Variants in GALNT7 observed in about 807,000 individuals in gnomAD.
GALNT7 encodes the protein polypeptide N-acetylgalactosaminyltransferase 7.
GALNT7 carries 60 observed loss-of-function variants against 82.1 expected under a neutral mutation model. The ratio of observed to expected loss-of-function variants is 0.73; its 90% CI spans 0.59 to 0.91. The LOEUF is 0.91. Among genes scored for constraint, GALNT7 ranks in the 40% least tolerant of loss-of-function variants. GALNT7 has a pLI of 0.00. For synonymous variants in GALNT7, 243 were observed against 275.1 expected, an observed-to-expected ratio of 0.88 and a Z score of 1.15; for missense variants, 660 against 804.2, an observed-to-expected ratio of 0.82 and a Z score of 2.17.
At chr4:173,211,904 T>G (rs2126672476) in intron 1 of GALNT7, among the ~76,000 whole-genome samples, 1 of 152,354 alleles carries the variant, frequency 6.6e-6, no homozygotes, top group South Asian at 2.1e-4. Flanking sequence ...TTCTTCAGCC[T>G]GTCAGTTTTC....
At chr4:173,179,894 T>TA (rs1732189478) in intron 1 of GALNT7, among the ~76,000 whole-genome samples, 1 of 152,222 alleles carries the variant, frequency 6.6e-6, no homozygotes, top group Admixed American at 6.5e-5. Context: ...TGTCAGTACT[T>TA]ACTGCTGTAC....
intron 2 of GALNT7, among the ~76,000 whole-genome samples, chr4:173,271,656 C>T (rs566017090): frequency 1.7e-4 from 26 of 152,092 alleles, no homozygotes; most frequent in South Asian, 1.5e-3. Context: ...GGGGTTTCAC[C>T]ACATTGGCCA....
chr4:173,230,317 T>A (rs972524836), intron 1 of GALNT7, among the ~76,000 whole-genome samples: 1 of 152,116 alleles, frequency 6.6e-6, no homozygotes, highest in African/African-American at 2.4e-5. Flanking sequence ...AGTTAATGGG[T>A]AGAGTTGCTT....
chr4:173,205,044 A>G (rs887575087), intron 1 of GALNT7, among the ~76,000 whole-genome samples: 1 of 152,152 alleles, frequency 6.6e-6, no homozygotes, highest in African/African-American at 2.4e-5. Flanking sequence ...TTACTACTGG[A>G]GCCCTTGGAC....
At chr4:173,196,670 A>G (rs1732789156) in intron 1 of GALNT7, among the ~76,000 whole-genome samples, 1 of 152,096 alleles carries the variant, frequency 6.6e-6, no homozygotes, top group Non-Finnish European at 1.5e-5. Context: ...CCCAGCATTC[A>G]TTAGCTATTC....
chr4:173,258,910 C>T (rs1457701573), intron 2 of GALNT7, among the ~76,000 whole-genome samples: 3 of 152,182 alleles, frequency 2.0e-5, no homozygotes, highest in Non-Finnish European at 2.9e-5. Flanking sequence ...TTTTTTCTTG[C>T]CTCCTAAGAC....
intron 1 of GALNT7, among the ~76,000 whole-genome samples, chr4:173,233,457 G>A (rs1178039290): frequency 2.0e-5 from 3 of 152,176 alleles, no homozygotes; most frequent in African/African-American, 7.2e-5. Context: ...CTTCATTGCG[G>A]TTTTGATTTG....
chr4:173,178,065 G>GCA (rs1561142235), intron 1 of GALNT7, among the ~76,000 whole-genome samples: 10 of 133,516 alleles, frequency 7.5e-5, no homozygotes, highest in Non-Finnish European at 1.1e-4. Flanking sequence ...GCGCACGCGC[G>GCA]TGCGCACAGA....
Position 173,295,863 on chromosome 4 carries a change from T to C in GALNT7, c.965+20T>C. On this transcript the variant is annotated intron_variant, in intron 5 of 11. Transcript: ENST00000265000. Reference sequence around the variant, plus strand: ...GGACAGGTAACATTACCTTGCTTTTTTTCTTTCCTGGTTGAAAGTAAACCT... The same window carrying C: ...GGACAGGTAACATTACCTTGCTTTTCTTCTTTCCTGGTTGAAAGTAAACCT... The C allele has an allele frequency of 7.0e-7, 1 of 1,426,330 alleles. No homozygotes were observed. Among genetic ancestry groups the C allele is most frequent in the Non-Finnish European group, 9.9e-7 (1 of 1,008,760 alleles). The allele number at this position is 1,426,330 out of a possible 1,614,324, so 88.4% of individuals were successfully genotyped here. A position where few individuals can be genotyped will look rare whatever the true frequency, so the allele number is the denominator to read the frequency against.
chr4:173,238,193 C>T (rs903203863), intron 1 of GALNT7, among the ~76,000 whole-genome samples: 1 of 151,982 alleles, frequency 6.6e-6, no homozygotes, highest in Non-Finnish European at 1.5e-5. Flanking sequence ...TCTTTCATTA[C>T]TTTGCTTTCA....
chr4:173,169,005 C>T, intron 1 of GALNT7, 44 bp downstream of exon 1: 1 of 1,601,522 alleles, frequency 6.2e-7, no homozygotes, highest in Non-Finnish European at 8.5e-7. Flanking sequence ...CGACCGGCAA[C>T]TTGTTTTGTT....
At chr4:173,226,083 A>G (rs1365674090) in intron 1 of GALNT7, among the ~76,000 whole-genome samples, 1 of 152,162 alleles carries the variant, frequency 6.6e-6, no homozygotes, top group Non-Finnish European at 1.5e-5. Flanking sequence ...AGCCAGGGGA[A>G]TAAGTTTTTT....
chr4:173,247,935 GTTTGCCTT>G, intron 1 of GALNT7, 37 bp from the exon 2 acceptor site: 1 of 1,287,998 alleles, frequency 7.8e-7, no homozygotes, highest in Non-Finnish European at 1.1e-6. Flanking sequence ...TACTGTGGTG[GTTTGCCTT>G]CATGTACTCA....
intron 1 of GALNT7, among the ~76,000 whole-genome samples, chr4:173,189,613 T>A (rs187885365): frequency 6.6e-6 from 1 of 152,248 alleles, no homozygotes; most frequent in African/African-American, 2.4e-5. Flanking sequence ...TTGAATGAAG[T>A]GCTTTAAAAT....
At chr4:173,198,380 T>G (rs954013953) in intron 1 of GALNT7, among the ~76,000 whole-genome samples, 2 of 152,110 alleles carry the variant, frequency 1.3e-5, no homozygotes, top group African/African-American at 2.4e-5. Flanking sequence ...GATTGTTTCT[T>G]TAGTGAAGAA....
chr4:173,174,098 T>C (rs1731960228), intron 1 of GALNT7, among the ~76,000 whole-genome samples: 1 of 152,222 alleles, frequency 6.6e-6, no homozygotes, highest in African/African-American at 2.4e-5. Context: ...TTTCCCAGGC[T>C]ATACACCTTA....
At chr4:173,181,825 C>A (rs1202626738) in intron 1 of GALNT7, among the ~76,000 whole-genome samples, 1 of 152,164 alleles carries the variant, frequency 6.6e-6, no homozygotes, top group Non-Finnish European at 1.5e-5. Context: ...TTCCCAGTGT[C>A]CTATTTGAAA....
In GALNT7 at chr4:173,248,132, T is replaced by C. The variant is rs779805282; in HGVS notation, c.279T>C (p.Asn93=). Residue 93 remains asparagine (N), a synonymous_variant, in exon 2 of 12, where the codon AAT becomes AAC. Transcript: ENST00000265000. Reference sequence around the variant, plus strand: ...TTAGAAGAATAAACAAGGCCAAAAATGAACAAGAGCACCATGCTGGAGGAG... The same window carrying C: ...TTAGAAGAATAAACAAGGCCAAAAACGAACAAGAGCACCATGCTGGAGGAG... ...ESIRRINKAK[N]EQEHHAGGDS... is the part of the protein sequence containing the mutation. The C allele has an allele frequency of 6.2e-7, 1 of 1,613,848 alleles. No homozygotes were observed. The highest frequency in any genetic ancestry group is 8.5e-7 in the Non-Finnish European group (1 of 1,179,868).
chr4:173,213,796 C>T (rs1733356537), intron 1 of GALNT7, among the ~76,000 whole-genome samples: 1 of 152,080 alleles, frequency 6.6e-6, no homozygotes, highest in South Asian at 2.1e-4. Flanking sequence ...TATAGCACCT[C>T]AGTTCTGTTT....
Sources: allele counts gnomAD v4.1 joint callset (sites outside exome capture counted in the v4.1 genomes callset), GRCh38; gene constraint gnomAD v4.1.1; transcripts MANE v1.5; gene names NCBI Gene and HGNC (gene_info 2026-07-23, HGNC 2026-07-21).